Variants in POLI observed in about 807,000 individuals in gnomAD.
POLI encodes the protein RAD30 homolog B.
Under a neutral mutation model 51.6 loss-of-function variants are expected in POLI, and 58 were observed. That is an observed-to-expected ratio of 1.12 (90% CI 0.91 to 1.40). The LOEUF is 1.40. Ranked by LOEUF, POLI falls within the 40% of genes most tolerant of loss-of-function variation. The pLI is 0.00. For synonymous variants in POLI, 322 were observed against 299.7 expected (o/e 1.07, Z -0.77); for missense variants, 921 against 871.3 (o/e 1.06, Z -0.72).
At chr18:54,270,343 T>G (rs1179661117) in intron 1 of POLI, 2 of 152,356 alleles carry the variant, frequency 1.3e-5, no homozygotes, top group African/African-American at 4.8e-5. Flanking sequence ...TTTTCAGATT[T>G]TTTTAGATCA....
At chr18:54,283,078 T>C in intron 6 of POLI, 63 bp downstream of exon 6, 1 of 1,053,430 alleles carries the variant, frequency 9.5e-7, no homozygotes, top group East Asian at 2.5e-5. Flanking sequence ...TAAAGATTTC[T>C]AGTTTTAGTA....
chr18:54,313,374 G>A (rs573678223), intron 3 of POLI, among the ~76,000 whole-genome samples: 9 of 152,064 alleles, frequency 5.9e-5, no homozygotes, highest in African/African-American at 1.2e-4. Context: ...ATTATACTTC[G>A]AAGTCAAGTA....
chr18:54,284,820 GA>G (rs985663619), intron 7 of POLI: 1 of 152,174 alleles, frequency 6.6e-6, no homozygotes, highest in African/African-American at 2.4e-5. Flanking sequence ...AACTGAAAAG[GA>G]AATTTAATTT....
chr18:54,279,379 A>T (rs183940407), intron 4 of POLI, among the ~76,000 whole-genome samples: 281 of 151,694 alleles, frequency 1.9e-3, no homozygotes, highest in South Asian at 3.1e-3. Flanking sequence ...ACTAGCTGGG[A>T]CTACAGGCAT....
chr18:54,271,456 C>G lies in POLI; in HGVS notation c.212C>G (p.Ser71Ter). 6.2e-7 allele frequency: 1 copy of G among 1,607,162 alleles called. No homozygotes were observed. The highest frequency in any genetic ancestry group is 1.1e-5 in the South Asian group (1 of 90,534). The change falls in exon 2 of 10, where the codon TCA becomes TGA. Residue 71 changes from serine to a stop codon, truncating the protein, a stop_gained. Transcript: ENST00000579534. LOFTEE classifies it high-confidence loss of function. ...TTTTATGCACAAGTAGAAATGATCTCAAATCCAGAGCTAAAAGACAAACCT... is the reference window on the plus strand; with the variant it reads ...TTTTATGCACAAGTAGAAATGATCTGAAATCCAGAGCTAAAAGACAAACCT... ...DCFYAQVEMI[S>*]NPELKDKPLG...
chr18:54,284,114 C>T (rs2087642547), intron 7 of POLI, 101 bp downstream of exon 7: 1 of 531,230 alleles, frequency 1.9e-6, no homozygotes, highest in Non-Finnish European at 3.4e-6. Context: ...GACAGATTAT[C>T]TGGAGACTAA....
At chr18:54,269,765 C>T in intron 1 of POLI, 104 bp downstream of exon 1, 1 of 1,394,080 alleles carries the variant, frequency 7.2e-7, no homozygotes, top group South Asian at 1.6e-5. Context: ...ACCGTCCCCG[C>T]CCCACTCGGC....
intron 7 of POLI, among the ~76,000 whole-genome samples, chr18:54,286,823 A>G (rs1158991971): frequency 6.6e-6 from 1 of 152,104 alleles, no homozygotes; most frequent in Non-Finnish European, 1.5e-5. Context: ...ACATGCCTGT[A>G]GTCCCAGCTA....
chr18:54,291,139 C>A (rs531955014), intron 8 of POLI, among the ~76,000 whole-genome samples: 87 of 152,284 alleles, frequency 5.7e-4, no homozygotes, highest in African/African-American at 2.0e-3. Context: ...TCCTAGTCAA[C>A]TAGGGTTGTA....
Position 54,297,485 on chromosome 18 carries a change from A to T in POLI, c.*3018A>T. The T allele has an allele frequency of 1.0e-6, 1 of 981,192 alleles. No individual in the cohort carries two copies. The highest frequency in any genetic ancestry group is 1.2e-6 in the Non-Finnish European group (1 of 826,126). 60.8% of individuals were successfully genotyped at this position (981,192 alleles called of 1,614,324 possible). A position where few individuals can be genotyped will look rare whatever the true frequency, so the allele number is the denominator to read the frequency against. On this transcript the variant is annotated 3_prime_UTR_variant, in exon 10 of 10. Transcript: ENST00000579534. ...CCAAGATCTAGTGTTTTGTACTAGG[A>T]GAACTCTAAAAAGTATCTATTCCAC...
rs147405589 is a variant in POLI at position 54,296,228 on chromosome 18, A to T, written c.*1761A>T. The T allele has an allele frequency of 8.1e-4, 802 of 985,304 alleles. 6 individuals are homozygous for T. In the African/African-American group the frequency reaches 0.013, roughly 15 times the overall value. The allele number at this position is 985,304 out of a possible 1,614,324, so 61.0% of individuals were successfully genotyped here. ...CTTGGACAGCTAGAAGGGGCTTAAG[A>T]AAAAATGGCTAAGAAAACAAAGTAA... On this transcript the variant is annotated 3_prime_UTR_variant, in exon 10 of 10. Coordinates refer to ENST00000579534, the MANE Select transcript of POLI (RefSeq NM_007195.3).
At chr18:54,316,435 A>T (rs1208868885) in intron 3 of POLI, among the ~76,000 whole-genome samples, 1 of 152,240 alleles carries the variant, frequency 6.6e-6, no homozygotes, top group East Asian at 1.9e-4. Context: ...AAGATTGTGA[A>T]GCTTATTTTA....
chr18:54,289,087 A>G (rs2144566118), intron 8 of POLI, among the ~76,000 whole-genome samples: 1 of 151,680 alleles, frequency 6.6e-6, no homozygotes, highest in Middle Eastern at 3.4e-3. Flanking sequence ...TTTTTCTTGT[A>G]GGGTTTTTTC....
intron 3 of POLI, among the ~76,000 whole-genome samples, chr18:54,310,437 A>G (rs914536691): frequency 6.6e-6 from 1 of 151,164 alleles, no homozygotes; most frequent in African/African-American, 2.4e-5. Context: ...AGTTATAAGG[A>G]TAGTGTGGAA....
intron 4 of POLI, among the ~76,000 whole-genome samples, chr18:54,278,778 C>G (rs2087365944): frequency 6.6e-6 from 1 of 152,236 alleles, no homozygotes; most frequent in South Asian, 2.1e-4. Flanking sequence ...TATGACTCTG[C>G]TGGTGACTCC....
intron 8 of POLI, among the ~76,000 whole-genome samples, chr18:54,290,285 G>T (rs148348130): frequency 0.25 from 38,350 of 151,880 alleles, 5,008 homozygotes; most frequent in Middle Eastern, 0.3. Flanking sequence ...TGAGATACCA[G>T]CTCATGCCAG....
chr18:54,308,018 G>A (rs1294000474), intron 3 of POLI, among the ~76,000 whole-genome samples: 1 of 151,880 alleles, frequency 6.6e-6, no homozygotes, highest in African/African-American at 2.4e-5. Flanking sequence ...CACACCAATG[G>A]GTCTTGACTC....
At chr18:54,303,364 A>G (rs534520423) in intron 3 of POLI, among the ~76,000 whole-genome samples, 101 of 152,288 alleles carry the variant, frequency 6.6e-4, no homozygotes, top group African/African-American at 2.4e-3. Flanking sequence ...TTTTTCTTAC[A>G]CTGTCTGTGT....
In POLI at chr18:54,296,799, T is replaced by G. The variant is rs897687369; in HGVS notation, c.*2332T>G. The G allele has an allele frequency of 1.4e-5, 7 of 510,074 alleles. No individual in the cohort carries two copies. The East Asian group carries it at 1.0e-3, about 76-fold the overall frequency. 31.6% of individuals were successfully genotyped at this position (510,074 alleles called of 1,614,324 possible). A position where few individuals can be genotyped will look rare whatever the true frequency, so the allele number is the denominator to read the frequency against. ...TCAATAAATATATTTTTCATTTGAT[T>G]CTTTTTAACTTCCCGTTTACTCATT... is the stretch of plus-strand genomic sequence containing the variant. On this transcript the variant is annotated 3_prime_UTR_variant, in exon 10 of 10. Transcript: ENST00000579534.
Sources: gnomAD v4.1 joint callset for allele counts (sites outside exome capture counted in the v4.1 genomes callset) on GRCh38, gnomAD v4.1.1 for gene constraint, MANE v1.5 for transcripts, NCBI Gene and HGNC (gene_info 2026-07-23, HGNC 2026-07-21) for gene names.